Variants in C12orf76 observed in about 807,000 individuals in gnomAD.
C12orf76 encodes uncharacterized protein C12orf76.
In C12orf76, 6 loss-of-function variants were observed where a neutral mutation model predicts 6.8. The ratio of observed to expected loss-of-function variants is 0.88; its 90% CI spans 0.48 to 1.73. The LOEUF (loss-of-function observed/expected upper bound fraction) is 1.73. C12orf76 is among the 40% of genes most tolerant of loss of function. C12orf76 has a pLI of 0.01. For synonymous variants in C12orf76, 56 were observed against 43.7 expected, an observed-to-expected ratio of 1.28 and a Z score of -1.11; for missense variants, 99 against 98.2, an observed-to-expected ratio of 1.01 and a Z score of -0.03.
At chr12:110,055,704 G>A (rs116621604) in intron 4 of C12orf76, among the ~76,000 whole-genome samples, 214 of 152,254 alleles carry the variant, frequency 1.4e-3, no homozygotes, top group African/African-American at 4.6e-3. Flanking sequence ...AGTTTTTAAG[G>A]ATAACTTGGT....
chr12:110,042,500 G>A (rs555793317), intron 1 of C12orf76, 41 bp from the exon 2 acceptor site: 1 of 1,355,086 alleles, frequency 7.4e-7, no homozygotes, highest in Non-Finnish European at 1.1e-6. Flanking sequence ...GGCAGCTCCA[G>A]GTTAGGCAAT....
At chr12:110,065,459 C>T (rs560005660) in intron 2 of C12orf76, among the ~76,000 whole-genome samples, 2 of 152,200 alleles carry the variant, frequency 1.3e-5, no homozygotes, top group South Asian at 2.1e-4. Context: ...AGTGAGCCAC[C>T]GTGCCCACTC....
Position 110,060,540 on chromosome 12 carries a change from C to T in C12orf76, n.381-1377G>A, listed in dbSNP as rs146880398. ...CTTCCCTTAGCTTGCAGGAATCCAC[C>T]TTTGCCTGACTTTCATTGGATCTCT... On this transcript the variant is annotated intron_variant and non_coding_transcript_variant, in intron 2 of 4. Coordinates refer to the C12orf76 transcript ENST00000309050. Among the ~76,000 whole-genome samples the T allele has an allele frequency of 8.1e-3, 1,228 of 152,282 alleles. 13 individuals are homozygous for T. The highest frequency in any genetic ancestry group is 0.015 in the Admixed American group (229 of 15,290).
chr12:110,055,089 A>G (rs926485400), intron 4 of C12orf76, among the ~76,000 whole-genome samples: 1 of 152,216 alleles, frequency 6.6e-6, no homozygotes, highest in Non-Finnish European at 1.5e-5. Flanking sequence ...TGGGTGTTAC[A>G]TTATTCACAA....
chr12:110,043,677 C>T (rs1202727487), intron 1 of C12orf76, among the ~76,000 whole-genome samples: 2 of 151,916 alleles, frequency 1.3e-5, no homozygotes, highest in Non-Finnish European at 2.9e-5. Flanking sequence ...TATAGTGAAA[C>T]CATGTCTCTA....
At chr12:110,073,427 A>G in exon 1 of C12orf76, 1 of 522,732 alleles carries the variant, frequency 1.9e-6, no homozygotes, top group Non-Finnish European at 3.9e-6. Flanking sequence ...CTTACCTAAC[A>G]TAGGAAAAGA....
intron 3 of C12orf76, chr12:110,057,350 G>A: frequency 8.5e-7 from 1 of 1,175,296 alleles, no homozygotes; most frequent in Non-Finnish European, 1.3e-6. Context: ...AAAGTGAACT[G>A]CCCTCATATC....
chr12:110,065,941 A>G, exon 2 of C12orf76: 1 of 1,613,808 alleles, frequency 6.2e-7, no homozygotes, highest in Non-Finnish European at 8.5e-7. Context: ...GGTCCCGTGT[A>G]TCACGTGGCT....
upstream of C12orf76, among the ~76,000 whole-genome samples, chr12:110,069,567 C>T (rs1290561126): frequency 1.3e-5 from 2 of 152,206 alleles, no homozygotes; most frequent in East Asian, 1.9e-4. Flanking sequence ...TTTCTAGCTC[C>T]GGAACAAGTT....
intron 2 of C12orf76, chr12:110,065,842 T>C (rs764931490): frequency 1.2e-6 from 2 of 1,614,192 alleles, no homozygotes; most frequent in South Asian, 2.2e-5. Flanking sequence ...CTGGTCTGGC[T>C]CTACCCTCCT....
intron 2 of C12orf76, among the ~76,000 whole-genome samples, chr12:110,063,646 AGACCGAG>A (rs1347266708): frequency 6.7e-6 from 1 of 150,158 alleles, no homozygotes; most frequent in African/African-American, 2.5e-5. Flanking sequence ...TTATTTATTG[AGACCGAG>A]TTTTGCTCTT....
At chr12:110,043,068 A>C (rs2137211417) in intron 1 of C12orf76, among the ~76,000 whole-genome samples, 1 of 146,016 alleles carries the variant, frequency 6.8e-6, no homozygotes, top group East Asian at 2.0e-4. Flanking sequence ...ACTCCACCTC[A>C]AAAAAAAAAA....
upstream of C12orf76, among the ~76,000 whole-genome samples, chr12:110,068,330 A>AGAAGAAGGC (rs1566080349): frequency 8.6e-6 from 1 of 116,662 alleles, no homozygotes; most frequent in Non-Finnish European, 2.0e-5. Flanking sequence ...AAGAAGAAGA[A>AGAAGAAGGC]GGCGGCCAAA....
chr12:110,062,082 G>A (rs926253978), intron 2 of C12orf76, among the ~76,000 whole-genome samples: 3 of 151,934 alleles, frequency 2.0e-5, no homozygotes, highest in East Asian at 3.9e-4. Context: ...TGGCCAACGT[G>A]GTAAGACCCC....
At chr12:110,067,693 C>T (rs1892889314) in exon 1 of C12orf76, 1 of 397,760 alleles carries the variant, frequency 2.5e-6, no homozygotes, top group South Asian at 1.0e-4. Context: ...TCATCTTCTC[C>T]CTATTTCCTG....
upstream of C12orf76, chr12:110,050,253 C>T (rs1343769357): frequency 6.6e-6 from 1 of 152,240 alleles, no homozygotes; most frequent in East Asian, 1.9e-4. Context: ...AATCTGGAGG[C>T]TTTACCACCT....
At chr12:110,057,032 G>A (rs1892680297) in intron 4 of C12orf76, 2 of 620,576 alleles carry the variant, frequency 3.2e-6, no homozygotes, top group Admixed American at 5.2e-5. Context: ...GCCCTGGAGT[G>A]GCAGGGAAAT....
chr12:110,059,648 T>C (rs966315081), intron 2 of C12orf76, among the ~76,000 whole-genome samples: 5 of 152,330 alleles, frequency 3.3e-5, no homozygotes, highest in African/African-American at 9.6e-5. Context: ...CTTGAACCAT[T>C]TCATGCTTCC....
chr12:110,066,385 A>C (rs1314506078), intron 1 of C12orf76, among the ~76,000 whole-genome samples: 3 of 143,338 alleles, frequency 2.1e-5, no homozygotes, highest in African/African-American at 7.8e-5. Flanking sequence ...AAAAAAAAAA[A>C]AAAAAAAAAA....
Sources: gnomAD v4.1 joint callset for allele counts (sites outside exome capture counted in the v4.1 genomes callset) on GRCh38, gnomAD v4.1.1 for gene constraint, MANE v1.5 for transcripts, NCBI Gene and HGNC (gene_info 2026-07-23, HGNC 2026-07-21) for gene names.